Variants in CYB5R4 observed in about 807,000 individuals in gnomAD.
The protein encoded by CYB5R4 is cytochrome b5 reductase 4, also known as N-terminal cytochrome b5 and cytochrome b5 oxidoreductase domain-containing protein.
In CYB5R4, 55 loss-of-function variants were observed where a neutral mutation model predicts 70.2. The observed-to-expected ratio is 0.78, with a 90% CI of 0.63 to 0.98. CYB5R4 has a LOEUF of 0.98. Ranked by LOEUF, CYB5R4 falls within the 50% of genes least tolerant of loss-of-function variation. The pLI, the probability that CYB5R4 is intolerant of heterozygous loss-of-function variation, is 0.00. For missense variants in CYB5R4, 562 were observed against 612.6 expected (o/e 0.92, Z 0.87); for synonymous variants, 197 against 199.5 (o/e 0.99, Z 0.11).
intron 7 of CYB5R4, among the ~76,000 whole-genome samples, chr6:83,919,820 A>G: frequency 6.6e-6 from 1 of 151,372 alleles, no homozygotes; most frequent in Non-Finnish European, 1.5e-5. Context: ...GATAACAAAA[A>G]ATGAATCTCA....
intron 2 of CYB5R4, among the ~76,000 whole-genome samples, chr6:83,886,843 G>T (rs2099460324): frequency 6.6e-6 from 1 of 152,062 alleles, no homozygotes; most frequent in Non-Finnish European, 1.5e-5. Context: ...GCCTCTGTTG[G>T]CTTTGGCTGC....
intron 3 of CYB5R4, among the ~76,000 whole-genome samples, chr6:83,895,082 C>T (rs2099461654): frequency 6.6e-6 from 1 of 152,176 alleles, no homozygotes; most frequent in Non-Finnish European, 1.5e-5. Context: ...TAACAGCATT[C>T]TCCTTGGAAG....
Position 83,940,587 on chromosome 6 carries a change from A to G in CYB5R4, c.1332A>G (p.Ala444=). ...IIWRSQLEKL[A]FKDKRLDVEF... ...GGAGAAGCCAATTGGAGAAATTAGCATTTAAAGATAAAAGGTATTAAACTG... is the reference window on the plus strand; with the variant it reads ...GGAGAAGCCAATTGGAGAAATTAGCGTTTAAAGATAAAAGGTATTAAACTG... The change falls in exon 14 of 16, where the codon GCA becomes GCG. Residue 444 remains alanine, a synonymous_variant. Transcript: ENST00000369681. 6.2e-7 allele frequency: 1 copy of G among 1,602,210 alleles called. No individual in the cohort carries two copies. The highest frequency in any genetic ancestry group is 2.3e-5 in the East Asian group (1 of 44,330).
intron 2 of CYB5R4, among the ~76,000 whole-genome samples, chr6:83,890,604 A>G (rs1432641005): frequency 6.6e-6 from 1 of 152,216 alleles, no homozygotes; most frequent in East Asian, 1.9e-4. Flanking sequence ...GATTGACATC[A>G]ATTTTGGAAG....
At chr6:83,880,124 G>A (rs531123977) in intron 2 of CYB5R4, among the ~76,000 whole-genome samples, 84 of 152,174 alleles carry the variant, frequency 5.5e-4, no homozygotes, top group Non-Finnish European at 9.6e-4. Flanking sequence ...TTATTGACAC[G>A]TAATTGTACA....
At chr6:83,943,273 G>A (rs1201178497) in intron 14 of CYB5R4, among the ~76,000 whole-genome samples, 1 of 152,140 alleles carries the variant, frequency 6.6e-6, no homozygotes, top group Non-Finnish European at 1.5e-5. Context: ...GGAACAGGCA[G>A]CAATCTTTGC....
chr6:83,885,446 TTAA>T (rs1469126672), intron 2 of CYB5R4, among the ~76,000 whole-genome samples: 1 of 152,202 alleles, frequency 6.6e-6, no homozygotes, highest in Admixed American at 6.5e-5. Flanking sequence ...TGAAAAATTA[TTAA>T]TTAGTGGATG....
At position 83,934,699 on chromosome 6, in the gene CYB5R4, A is replaced by G. The variant is rs771946005; in HGVS notation, c.919A>G (p.Ile307Val). The G allele has an allele frequency of 1.2e-6, 2 of 1,613,700 alleles. No homozygotes were observed. Among genetic ancestry groups the G allele is most frequent in the East Asian group, 2.2e-5 (1 of 44,854 alleles). The change falls in exon 11 of 16, where the codon ATT (isoleucine) becomes GTT (valine). Residue 307 changes from isoleucine (I) to valine (V), a missense_variant. Ile to Val is a conservative substitution (Grantham distance 29). Transcript: ENST00000369681. ...ACCAAGCACTCATCTTCAAGTGCCC[A>G]TTGGGCAACATGTTTACCTCAAGCT... ...LPPSTHLQVP[I>V]GQHVYLKLPI...
At position 83,924,472 on chromosome 6, in the gene CYB5R4, C is replaced by A. The variant is rs780628601; in HGVS notation, c.694C>A (p.Arg232=). The stretch of plus-strand genomic sequence containing the variant: ...AATGGAATTTATCTTCTTTTCAGTG[C>A]GGGTTGTTGAGAGTGTGGGAAAAAT... ...SHEVQEDFSV[R]VVESVGKIEI... Residue 232 remains arginine, a splice_region_variant and synonymous_variant, in exon 10 of 16, where the codon CGG becomes AGG. Coordinates refer to ENST00000369681, the MANE Select transcript of CYB5R4 (RefSeq NM_016230.4). 2 of 1,612,218 alleles carry A rather than the reference C, an allele frequency of 1.2e-6. No individual in the cohort carries two copies.
At position 83,924,519 on chromosome 6, in the gene CYB5R4, A is replaced by G. The variant is rs1488083501; in HGVS notation, c.741A>G (p.Lys247=). 6.8e-6 allele frequency: 11 copies of G among 1,613,736 alleles called. No individual in the cohort carries two copies. The highest frequency in any genetic ancestry group is 9.3e-6 in the Non-Finnish European group (11 of 1,179,712). The part of the protein sequence containing the change: ...VGKIEIVLQK[K]ENTSWDFLGH... ...AAATAGAGATTGTTCTACAAAAAAA[A>G]GAGAATACTTCTTGGGACTTTCTTG... The change falls in exon 10 of 16, where the codon AAA becomes AAG. Residue 247 remains lysine, a synonymous_variant. Transcript: ENST00000369681.
In CYB5R4 at chr6:83,934,665, G is replaced by A. The variant is rs755400772; in HGVS notation, c.885G>A (p.Leu295=). Residue 295 remains leucine (L), a synonymous_variant, in exon 11 of 16, where the codon TTG becomes TTA. Coordinates refer to ENST00000369681, the MANE Select transcript of CYB5R4 (RefSeq NM_016230.4). ...DVTHDTRLFC[L]MLPPSTHLQV... ...CTCATGATACGAGGCTTTTCTGTTT[G>A]ATGCTGCCACCAAGCACTCATCTTC... is the stretch of plus-strand genomic sequence containing the variant. 2 of 1,613,700 alleles carry A rather than the reference G, an allele frequency of 1.2e-6. No individual in the cohort carries two copies. Among genetic ancestry groups the A allele is most frequent in the Admixed American group, 3.3e-5 (2 of 59,984 alleles).
chr6:83,911,159 C>G (rs1439450149), intron 4 of CYB5R4, among the ~76,000 whole-genome samples: 1 of 152,082 alleles, frequency 6.6e-6, no homozygotes, highest in African/African-American at 2.4e-5. Flanking sequence ...AATCTCAGCA[C>G]TTTGGGAAGC....
At chr6:83,871,762 T>C (rs777444439) in intron 2 of CYB5R4, among the ~76,000 whole-genome samples, 20 of 152,302 alleles carry the variant, frequency 1.3e-4, no homozygotes, top group Admixed American at 5.2e-4. Context: ...ATTTAATATA[T>C]TGGCATATAG....
intron 4 of CYB5R4, among the ~76,000 whole-genome samples, chr6:83,910,817 T>C (rs1384088322): frequency 2.6e-5 from 4 of 152,194 alleles, no homozygotes; most frequent in African/African-American, 9.7e-5. Context: ...ATACAGCATA[T>C]GCTGTGATTA....
intron 3 of CYB5R4, among the ~76,000 whole-genome samples, chr6:83,898,378 A>G (rs2099462279): frequency 6.6e-6 from 1 of 152,088 alleles, no homozygotes; most frequent in South Asian, 2.1e-4. Context: ...CTTGTAGTAT[A>G]GTTTGAAGTC....
chr6:83,863,555 A>C (rs968694693), intron 1 of CYB5R4, among the ~76,000 whole-genome samples: 11 of 152,252 alleles, frequency 7.2e-5, no homozygotes, highest in Admixed American at 4.6e-4. Context: ...TTTTGGTCCA[A>C]ACTGGTTAAC....
intron 14 of CYB5R4, among the ~76,000 whole-genome samples, chr6:83,942,961 A>G (rs771729720): frequency 5.9e-5 from 9 of 152,128 alleles, no homozygotes; most frequent in South Asian, 2.1e-4. Flanking sequence ...AGCAGCCCCA[A>G]TCAGAGGCTT....
chr6:83,916,208 T>C (rs1032076964), intron 5 of CYB5R4, among the ~76,000 whole-genome samples: 7 of 152,130 alleles, frequency 4.6e-5, no homozygotes, highest in African/African-American at 1.4e-4. Flanking sequence ...TATTAATAGT[T>C]CCAATTTGAG....
chr6:83,880,852 A>C (rs2099459326), intron 2 of CYB5R4, among the ~76,000 whole-genome samples: 1 of 152,198 alleles, frequency 6.6e-6, no homozygotes. Flanking sequence ...ATTGGCATCA[A>C]TATTGGGCCG....
Sources: gnomAD v4.1 joint callset for allele counts (sites outside exome capture counted in the v4.1 genomes callset) on GRCh38, gnomAD v4.1.1 for gene constraint, MANE v1.5 for transcripts, NCBI Gene and HGNC (gene_info 2026-07-23, HGNC 2026-07-21) for gene names.